The following RASGRF2 variants were observed in gnomAD, a reference collection of about 807,000 sequenced individuals.
RASGRF2 encodes the protein Ras protein specific guanine nucleotide releasing factor 2.
In RASGRF2, 76 loss-of-function variants were observed where a neutral mutation model predicts 151.0. The observed-to-expected ratio is 0.50, with a 90% CI of 0.42 to 0.61. The LOEUF (loss-of-function observed/expected upper bound fraction) is 0.61, where lower values mean the gene tolerates loss of function less well. RASGRF2 is among the 20% of genes least tolerant of loss of function. The pLI, the probability that RASGRF2 is intolerant of heterozygous loss-of-function variation, is 0.00. For synonymous variants in RASGRF2, 504 were observed against 566.5 expected, an observed-to-expected ratio of 0.89 and a Z score of 1.57; for missense variants, 1,148 against 1,564.6, an observed-to-expected ratio of 0.73 and a Z score of 4.49.
chr5:80,988,392 G>C (rs1748544918), intron 1 of RASGRF2, among the ~76,000 whole-genome samples: 1 of 152,062 alleles, frequency 6.6e-6, no homozygotes, highest in Non-Finnish European at 1.5e-5. Flanking sequence ...TTTAGCCAAG[G>C]ACCATGTCTT....
At chr5:81,092,751 A>ACTTGACAGAATTTTAATTG (rs1469005021) in intron 9 of RASGRF2, 50 bp from the exon 10 acceptor site, 1 of 1,544,076 alleles carries the variant, frequency 6.5e-7, no homozygotes, top group African/African-American at 1.4e-5. Context: ...CATGGTCCTC[A>ACTTGACAGAATTTTAATTG]CTTGACAGAA....
chr5:81,102,674 G>A (rs1348237605), intron 12 of RASGRF2, among the ~76,000 whole-genome samples: 3 of 147,946 alleles, frequency 2.0e-5, no homozygotes, highest in East Asian at 2.0e-4. Flanking sequence ...CAGCCTCGGC[G>A]ACAGAGTGAG....
At chr5:81,096,725 G>T (rs1021615637) in intron 12 of RASGRF2, among the ~76,000 whole-genome samples, 10 of 152,010 alleles carry the variant, frequency 6.6e-5, no homozygotes, top group East Asian at 1.9e-4. Flanking sequence ...TCTGTGCCTG[G>T]TCCTTTAAAG....
At chr5:81,058,748 C>G (rs1751312198) in intron 2 of RASGRF2, among the ~76,000 whole-genome samples, 1 of 128,944 alleles carries the variant, frequency 7.8e-6, no homozygotes, top group South Asian at 2.4e-4. Flanking sequence ...TGTACTCCAG[C>G]CTGGGCAACA....
intron 17 of RASGRF2, among the ~76,000 whole-genome samples, chr5:81,167,601 A>G (rs535909678): frequency 3.3e-5 from 5 of 152,146 alleles, no homozygotes; most frequent in African/African-American, 7.2e-5. Flanking sequence ...GTAAGTTCCA[A>G]CGCAGGGCAC....
At chr5:81,032,264 G>C (rs113841079) in intron 1 of RASGRF2, among the ~76,000 whole-genome samples, 106 of 152,250 alleles carry the variant, frequency 7.0e-4, no homozygotes, top group African/African-American at 2.5e-3. Context: ...CCAATCAACA[G>C]AAAAAGAGGG....
At chr5:81,032,078 C>A (rs1750274320) in intron 1 of RASGRF2, among the ~76,000 whole-genome samples, 1 of 152,178 alleles carries the variant, frequency 6.6e-6, no homozygotes, top group Admixed American at 6.5e-5. Context: ...TGGACACATA[C>A]ACCCTCCCAA....
chr5:81,201,984 G>GAC (rs201127264), intron 19 of RASGRF2, among the ~76,000 whole-genome samples: 27,906 of 152,048 alleles, frequency 0.18, 2,688 homozygotes, highest in Middle Eastern at 0.25. Context: ...ATGGGGGATT[G>GAC]TATAAGGTAT....
At chr5:81,180,313 G>T in intron 18 of RASGRF2, 32 bp downstream of exon 18, 1 of 1,326,504 alleles carries the variant, frequency 7.5e-7, no homozygotes, top group South Asian at 1.2e-5. Context: ...TTACTTGCAA[G>T]GATTTTTTAA....
chr5:81,082,683 C>T (rs1580293387), intron 7 of RASGRF2, among the ~76,000 whole-genome samples: 1 of 152,262 alleles, frequency 6.6e-6, no homozygotes, highest in Middle Eastern at 3.4e-3. Flanking sequence ...TAGGAGCCCC[C>T]TCCCCAAGGA....
chr5:81,141,731 T>A (rs1580354163), intron 17 of RASGRF2, among the ~76,000 whole-genome samples: 2 of 152,298 alleles, frequency 1.3e-5, no homozygotes. Flanking sequence ...ACACAGCAGT[T>A]TGGGGACTCC....
chr5:80,961,112 T>C (rs1747538059), intron 1 of RASGRF2, 86 bp downstream of exon 1: 2 of 1,367,752 alleles, frequency 1.5e-6, no homozygotes, highest in South Asian at 3.4e-5. Flanking sequence ...GGGTCGGGGG[T>C]CGTGAAAGAG....
In RASGRF2 at chr5:81,178,844, T is replaced by C. The variant is rs1007778082; in HGVS notation, c.2687-1331T>C. Among the ~76,000 whole-genome samples the C allele has an allele frequency of 5.3e-5, 8 of 152,122 alleles. 1 individual carries two copies. The highest frequency in any genetic ancestry group is 1.5e-5 in the Non-Finnish European group (1 of 68,014). The stretch of plus-strand genomic sequence containing the variant: ...AGCTCCGCCCCCCGGGTTCACGCCA[T>C]TCTCCTGCCTCAGCCTCCCGAGAGG... On this transcript the variant is annotated intron_variant, in intron 17 of 26. Coordinates refer to ENST00000265080, the MANE Select transcript of RASGRF2 (RefSeq NM_006909.3).
In RASGRF2 at chr5:81,113,608, C is replaced by A; in HGVS notation, c.2158C>A (p.Arg720Ser). The part of the protein sequence containing the change: ...GEHLVDGKSP[R>S]LCRKFSSPPP... ...ACATTTGGTGGATGGCAAATCCCCA[C>A]GTCTGTGTCGCAAATTCTCTTCCCC... Residue 720 changes from arginine to serine, a missense_variant, in exon 15 of 27, where the codon CGT (arginine) becomes AGT (serine). Coordinates refer to ENST00000265080, the MANE Select transcript of RASGRF2 (RefSeq NM_006909.3). 1 of 1,608,492 alleles carries A rather than the reference C, an allele frequency of 6.2e-7. No homozygotes were observed. Among genetic ancestry groups the A allele is most frequent in the Non-Finnish European group, 8.5e-7 (1 of 1,174,820 alleles).
At chr5:80,999,527 A>T (rs915842470) in intron 1 of RASGRF2, among the ~76,000 whole-genome samples, 1 of 151,642 alleles carries the variant, frequency 6.6e-6, no homozygotes, top group Non-Finnish European at 1.5e-5. Context: ...TTATTTATTT[A>T]TTTATTTATG....
chr5:81,202,685 C>T (rs1755424252), intron 19 of RASGRF2, among the ~76,000 whole-genome samples: 1 of 152,180 alleles, frequency 6.6e-6, no homozygotes, highest in Admixed American at 6.5e-5. Flanking sequence ...AGATGAGGTA[C>T]TGGAGTAGGG....
intron 17 of RASGRF2, among the ~76,000 whole-genome samples, chr5:81,147,922 T>C (rs550207952): frequency 6.6e-6 from 1 of 152,306 alleles, no homozygotes; most frequent in South Asian, 2.1e-4. Context: ...TTCCCGTAGA[T>C]GTGTATGAAA....
chr5:81,187,790 G>C (rs1253359474), intron 18 of RASGRF2, among the ~76,000 whole-genome samples: 1 of 152,230 alleles, frequency 6.6e-6, no homozygotes, highest in African/African-American at 2.4e-5. Context: ...CCCAGAATGT[G>C]AGTGGACATA....
rs1291118250 is a variant in RASGRF2 at position 81,094,870 on chromosome 5, C to G, written c.1633C>G (p.Gln545Glu). 6.2e-7 allele frequency: 1 copy of G among 1,603,048 alleles called. No homozygotes were observed. Among genetic ancestry groups the G allele is most frequent in the Non-Finnish European group, 8.5e-7 (1 of 1,170,958 alleles). ...ATGTGTTCAAGCTAAAGGTTCTGGG[C>G]AAGTGTTTGGGCACCTGGATTTTAA... Reference protein sequence around the residue: ...ASDDDSKGSGQVFGHLDFKIV... With the variant: ...ASDDDSKGSGEVFGHLDFKIV... Residue 545 changes from glutamine (Q) to glutamate (E), a missense_variant, in exon 12 of 27, where the codon CAA becomes GAA. Physicochemically the swap from Gln to Glu is conservative, Grantham distance 29. This residue lies in a region of RASGRF2 where 646 missense variants were observed against 807.4 expected (regional missense o/e 0.80). Transcript: ENST00000265080.
Sources: allele counts gnomAD v4.1 joint callset (sites outside exome capture counted in the v4.1 genomes callset), GRCh38; gene constraint gnomAD v4.1.1; regional missense constraint gnomAD v4.1.1; transcripts MANE v1.5; gene names NCBI Gene and HGNC (gene_info 2026-07-23, HGNC 2026-07-21).